The following TET3 variants were observed in gnomAD, a reference collection of about 807,000 sequenced individuals.
TET3 encodes the protein methylcytosine dioxygenase TET3.
A neutral mutation model predicts 141.4 loss-of-function variants in TET3; 19 were observed. The ratio of observed to expected loss-of-function variants is 0.13; its 90% CI spans 0.09 to 0.20. TET3 has a LOEUF of 0.20. TET3 is among the 10% of genes least tolerant of loss of function. TET3 has a pLI of 1.00. For missense variants in TET3, 1,874 were observed against 2,356.9 expected, an observed-to-expected ratio of 0.80 and a Z score of 4.24; for synonymous variants, 1,043 against 980.9, an observed-to-expected ratio of 1.06 and a Z score of -1.18.
the TET3 span, among the ~76,000 whole-genome samples, chr2:74,129,042 A>G: frequency 8.7e-5 from 13 of 149,180 alleles, no homozygotes; most frequent in African/African-American, 3.0e-4. Context: ...GCTCACACCT[A>G]TAATCCCAGC....
chr2:73,991,428 A>G (rs2105082498), intron 2 of TET3, among the ~76,000 whole-genome samples: 1 of 152,130 alleles, frequency 6.6e-6, no homozygotes, highest in East Asian at 2.0e-4. Context: ...TACTAAAAAT[A>G]CAAAATTAGC....
chr2:74,074,982 T>C (rs1689419653), intron 5 of TET3, among the ~76,000 whole-genome samples: 1 of 152,110 alleles, frequency 6.6e-6, no homozygotes, highest in South Asian at 2.1e-4. Context: ...GCCATTCTCC[T>C]GCCTCAGACT....
At chr2:73,998,716 T>C (rs1432207283) in intron 2 of TET3, among the ~76,000 whole-genome samples, 3 of 152,124 alleles carry the variant, frequency 2.0e-5, no homozygotes. Context: ...GTGTGTGTGA[T>C]GGGCGGCAAT....
At chr2:74,026,639 T>G (rs1230576430) in intron 3 of TET3, among the ~76,000 whole-genome samples, 1 of 152,228 alleles carries the variant, frequency 6.6e-6, no homozygotes, top group African/African-American at 2.4e-5. Context: ...GCATTTAGCT[T>G]TTTAAGGTCA....
chr2:74,106,732 T>C lies in TET3; in HGVS notation c.*4556T>C, dbSNP rs1439318031. 6.5e-6 allele frequency: 1 copy of C among 153,788 alleles called. No individual in the cohort carries two copies. The highest frequency in any genetic ancestry group is 2.1e-4 in the South Asian group (1 of 4,838). The allele number at this position is 153,788 out of a possible 1,614,324, so 9.5% of individuals were successfully genotyped here. On this transcript the variant is annotated 3_prime_UTR_variant, in exon 12 of 12. Coordinates refer to ENST00000409262, the MANE Select transcript of TET3 (RefSeq NM_001287491.2). Reference sequence around the variant, plus strand: ...GGAAGCTCCATTTTGTGTCATCCACTGTCACAATAATTTTTTTAAATACCT... The same window carrying C: ...GGAAGCTCCATTTTGTGTCATCCACCGTCACAATAATTTTTTTAAATACCT...
intron 3 of TET3, among the ~76,000 whole-genome samples, chr2:74,007,656 TTCTAC>T (rs1685213968): frequency 6.6e-6 from 1 of 152,180 alleles, no homozygotes; most frequent in Admixed American, 6.5e-5. Flanking sequence ...CCACTCTGTT[TTCTAC>T]TCTACTCCTA....
intron 3 of TET3, among the ~76,000 whole-genome samples, chr2:74,023,673 G>A (rs778880872): frequency 6.6e-6 from 1 of 152,172 alleles, no homozygotes; most frequent in Admixed American, 6.5e-5. Flanking sequence ...GCTCCCAGTG[G>A]CTCTGGTGAT....
intron 3 of TET3, among the ~76,000 whole-genome samples, chr2:74,012,944 T>C (rs1573687789): frequency 6.6e-6 from 1 of 152,088 alleles, no homozygotes; most frequent in Non-Finnish European, 1.5e-5. Context: ...ATGATATTTC[T>C]CCTATTGAAT....
chr2:74,016,772 GTA>G (rs930130670), intron 3 of TET3, among the ~76,000 whole-genome samples: 15 of 143,408 alleles, frequency 1.0e-4, no homozygotes, highest in African/African-American at 3.9e-4. Context: ...CAATAAAAAT[GTA>G]TAGGTTCTCC....
At chr2:74,090,068 A>C (rs1573897892) in intron 8 of TET3, 21 bp downstream of exon 8, 1 of 1,611,216 alleles carries the variant, frequency 6.2e-7, no homozygotes, top group Non-Finnish European at 8.5e-7. Context: ...CTGGGCGGGG[A>C]CCCTGCCTCC....
At chr2:74,116,550 G>C in the TET3 span, among the ~76,000 whole-genome samples, 1 of 151,864 alleles carries the variant, frequency 6.6e-6, no homozygotes, top group Non-Finnish European at 1.5e-5. Context: ...GTGGTGGTGT[G>C]TGTGTGTGCC....
At position 74,089,995 on chromosome 2, in the gene TET3, C is replaced by G; in HGVS notation, c.2987C>G (p.Ala996Gly). The change falls in exon 8 of 12, where the codon GCT becomes GGT. Residue 996 changes from alanine to glycine, a missense_variant. Around this residue, in one of 10 missense-constraint regions of TET3, gnomAD observed 126 missense variants for 327.4 expected, o/e 0.38. Transcript: ENST00000409262. ...WSMYFNGCKY[A>G]RSKTPRKFRL... Reference sequence around the variant, plus strand: ...ATGTACTTCAACGGCTGCAAGTATGCTCGGAGCAAGACACCTCGCAAGTTC... The same window carrying G: ...ATGTACTTCAACGGCTGCAAGTATGGTCGGAGCAAGACACCTCGCAAGTTC... 6.2e-7 allele frequency: 1 copy of G among 1,614,054 alleles called. No individual in the cohort carries two copies. Among genetic ancestry groups the G allele is most frequent in the Non-Finnish European group, 8.5e-7 (1 of 1,179,904 alleles).
chr2:74,099,226 G>T (rs1431622951), intron 10 of TET3, 50 bp from the exon 11 acceptor site: 5 of 1,496,234 alleles, frequency 3.3e-6, no homozygotes, highest in African/African-American at 1.4e-5. Context: ...CTCTCTCCCA[G>T]CACTCGGTCC....
At chr2:73,984,871 T>A (rs1683916564), upstream of TET3, among the ~76,000 whole-genome samples, 1 of 139,228 alleles carries the variant, frequency 7.2e-6, no homozygotes, top group South Asian at 2.3e-4. The surrounding 1 kb of genome is among the most constrained non-coding windows in gnomAD (Gnocchi z 5.6). Context: ...GGCGGGGGAG[T>A]CCCCGGGCGA....
chr2:74,033,377 TCCC>T (rs1355226727), intron 3 of TET3, among the ~76,000 whole-genome samples: 1 of 152,214 alleles, frequency 6.6e-6, no homozygotes, highest in African/African-American at 2.4e-5. Flanking sequence ...TCCTATTTTT[TCCC>T]CCATTTCAAA....
chr2:74,082,480 T>G (rs1302850770), intron 6 of TET3, among the ~76,000 whole-genome samples: 1 of 152,152 alleles, frequency 6.6e-6, no homozygotes, highest in African/African-American at 2.4e-5. Flanking sequence ...CACTGAGCCC[T>G]GGTGGGTGAA....
At chr2:73,992,082 A>T (rs923622667) in intron 2 of TET3, among the ~76,000 whole-genome samples, 2 of 152,142 alleles carry the variant, frequency 1.3e-5, no homozygotes, top group Non-Finnish European at 2.9e-5. Context: ...GAAAATGCTG[A>T]TAACAATGTC....
intron 3 of TET3, among the ~76,000 whole-genome samples, chr2:74,008,879 T>C (rs1685283427): frequency 6.6e-6 from 1 of 152,120 alleles, no homozygotes; most frequent in South Asian, 2.1e-4. Context: ...GGCCTGGAAC[T>C]TTTACGCCCT....
At chr2:73,984,591 C>A (rs2105045710), upstream of TET3, among the ~76,000 whole-genome samples, 1 of 151,990 alleles carries the variant, frequency 6.6e-6, no homozygotes, top group South Asian at 2.1e-4. This position sits in a 1 kb window ranked among gnomAD's most constrained non-coding sequence, Gnocchi z 5.6. Flanking sequence ...TCCGCGTGCC[C>A]CACCCCGCCT....
Sources: allele counts gnomAD v4.1 joint callset (sites outside exome capture counted in the v4.1 genomes callset), GRCh38; gene constraint gnomAD v4.1.1; regional missense constraint gnomAD v4.1.1; non-coding constraint Gnocchi (gnomAD v3.1); transcripts MANE v1.5; gene names NCBI Gene and HGNC (gene_info 2026-07-23, HGNC 2026-07-21).